Variants in PSD3 observed in about 807,000 individuals in gnomAD.
The protein encoded by PSD3 is PH and SEC7 domain-containing protein 3.
In PSD3, 49 loss-of-function variants were observed where a neutral mutation model predicts 105.5. The observed-to-expected ratio is 0.46, with a 90% CI of 0.37 to 0.59. The LOEUF (loss-of-function observed/expected upper bound fraction) is 0.59, where lower values mean the gene tolerates loss of function less well. PSD3 is among the 20% of genes least tolerant of loss of function. PSD3 has a pLI of 0.00. For missense variants in PSD3, 1,561 were observed against 1,263.8 expected, an observed-to-expected ratio of 1.24 and a Z score of -3.57; for synonymous variants, 557 against 457.8, an observed-to-expected ratio of 1.22 and a Z score of -2.77.
chr8:18,974,983 AAG>A (rs936533128), intron 1 of PSD3, among the ~76,000 whole-genome samples: 32 of 152,308 alleles, frequency 2.1e-4, no homozygotes, highest in Admixed American at 5.2e-4. Context: ...GCATTGGAGA[AAG>A]AGAAAAAGCG....
intron 8 of PSD3, among the ~76,000 whole-genome samples, chr8:18,798,535 T>A (rs1038199502): frequency 6.6e-6 from 1 of 152,100 alleles, no homozygotes; most frequent in Admixed American, 6.5e-5. Context: ...TAAATATCAA[T>A]TTTTTATATG....
chr8:18,884,564 T>C (rs1418197497), intron 2 of PSD3, among the ~76,000 whole-genome samples: 1 of 152,200 alleles, frequency 6.6e-6, no homozygotes, highest in Non-Finnish European at 1.5e-5. Flanking sequence ...ATGCTGGCTA[T>C]TGCCTGGACA....
At chr8:18,871,056 A>G (rs1817311391) in intron 3 of PSD3, among the ~76,000 whole-genome samples, 4 of 152,300 alleles carry the variant, frequency 2.6e-5, no homozygotes, top group African/African-American at 9.6e-5. Context: ...CCGTGATCAC[A>G]CCACCATACT....
At chr8:18,715,239 T>C (rs1802509431) in intron 9 of PSD3, among the ~76,000 whole-genome samples, 1 of 152,148 alleles carries the variant, frequency 6.6e-6, no homozygotes, top group South Asian at 2.1e-4. Flanking sequence ...CGTTTACCCA[T>C]GTAACAAACC....
intron 9 of PSD3, among the ~76,000 whole-genome samples, chr8:18,677,283 C>T (rs1024326685): frequency 1.3e-5 from 2 of 152,096 alleles, no homozygotes; most frequent in Non-Finnish European, 2.9e-5. Flanking sequence ...GGTTTCCTAA[C>T]AAAAATAAAA....
At chr8:18,887,446 A>G (rs1433860687) in intron 2 of PSD3, among the ~76,000 whole-genome samples, 4 of 152,184 alleles carry the variant, frequency 2.6e-5, no homozygotes, top group Non-Finnish European at 4.4e-5. Context: ...GAAGCCATAA[A>G]CTTTTATATC....
chr8:18,844,798 G>T (rs987299934), intron 4 of PSD3, among the ~76,000 whole-genome samples: 2 of 152,202 alleles, frequency 1.3e-5, no homozygotes, highest in African/African-American at 4.8e-5. Flanking sequence ...TTAACCAAGA[G>T]AAGAATCGTA....
At chr8:18,874,695 T>G (rs1586296218) in intron 2 of PSD3, among the ~76,000 whole-genome samples, 1 of 102,316 alleles carries the variant, frequency 9.8e-6, no homozygotes, top group Admixed American at 1.3e-4. Flanking sequence ...AGAGCAAGAC[T>G]CCATCTCAAA....
intron 8 of PSD3, chr8:18,774,911 T>A (rs891085713): frequency 4.4e-6 from 2 of 456,086 alleles, no homozygotes; most frequent in African/African-American, 2.0e-5. Context: ...AGCCTTAATC[T>A]TGGCTACGGC....
At chr8:18,752,567 A>ATATATATT (rs1554489506) in intron 9 of PSD3, among the ~76,000 whole-genome samples, 2 of 78,768 alleles carry the variant, frequency 2.5e-5, no homozygotes, top group East Asian at 3.8e-4. Flanking sequence ...TATATATATT[A>ATATATATT]TATATATAAT....
chr8:19,016,099 T>C (rs1464017289), upstream of PSD3, among the ~76,000 whole-genome samples: 1 of 152,226 alleles, frequency 6.6e-6, no homozygotes, highest in Non-Finnish European at 1.5e-5. Flanking sequence ...ATTTTGTGTG[T>C]AAATATTTTG....
chr8:18,684,518 C>T (rs996276025), intron 9 of PSD3, among the ~76,000 whole-genome samples: 2 of 152,100 alleles, frequency 1.3e-5, no homozygotes, highest in Admixed American at 6.6e-5. Context: ...TGAAACGATG[C>T]GAGACACAAA....
At chr8:18,620,579 C>T (rs1180163906) in intron 11 of PSD3, among the ~76,000 whole-genome samples, 1 of 152,012 alleles carries the variant, frequency 6.6e-6, no homozygotes, top group Non-Finnish European at 1.5e-5. Context: ...TGTGACAGCA[C>T]ATTCCTGTGG....
intron 1 of PSD3, among the ~76,000 whole-genome samples, chr8:18,998,553 G>A (rs1172103669): frequency 6.6e-6 from 1 of 151,966 alleles, no homozygotes; most frequent in Non-Finnish European, 1.5e-5. Flanking sequence ...TGGGTGTGGT[G>A]GCATGCACCT....
At chr8:18,606,900 C>T (rs2130613409) in intron 11 of PSD3, among the ~76,000 whole-genome samples, 1 of 152,290 alleles carries the variant, frequency 6.6e-6, no homozygotes, top group Non-Finnish European at 1.5e-5. Context: ...ATTATTGTCT[C>T]TGTTTTATAT....
At chr8:18,914,437 T>C (rs1820451124) in intron 2 of PSD3, among the ~76,000 whole-genome samples, 2 of 152,260 alleles carry the variant, frequency 1.3e-5, no homozygotes, top group East Asian at 1.9e-4. Context: ...GGTCTCTTTT[T>C]GCAACTGACA....
intron 1 of PSD3, among the ~76,000 whole-genome samples, chr8:19,005,237 C>T (rs1409928960): frequency 1.3e-5 from 2 of 151,984 alleles, no homozygotes; most frequent in African/African-American, 4.8e-5. Context: ...TGTGACCCAT[C>T]TAGTCAATGG....
intron 4 of PSD3, among the ~76,000 whole-genome samples, chr8:18,839,191 A>G (rs989929520): frequency 3.3e-5 from 5 of 152,088 alleles, no homozygotes; most frequent in Non-Finnish European, 5.9e-5. Flanking sequence ...GCACAGACAT[A>G]CCATTTACAA....
intron 4 of PSD3, among the ~76,000 whole-genome samples, chr8:18,810,810 T>C (rs1030671221): frequency 6.6e-6 from 1 of 152,160 alleles, no homozygotes; most frequent in Admixed American, 6.5e-5. Flanking sequence ...ATGACTCCTT[T>C]GCCATTCTTC....
Sources: allele counts gnomAD v4.1 joint callset (sites outside exome capture counted in the v4.1 genomes callset), GRCh38; gene constraint gnomAD v4.1.1; transcripts MANE v1.5; gene names NCBI Gene and HGNC (gene_info 2026-07-23, HGNC 2026-07-21).